The following KIF24 variants were observed in gnomAD, a reference collection of about 807,000 sequenced individuals.
KIF24 encodes kinesin family member 24.
In KIF24, 81 loss-of-function variants were observed where a neutral mutation model predicts 118.9. The observed-to-expected ratio is 0.68, with a 90% confidence interval of 0.57 to 0.82. The LOEUF is 0.82. Among genes scored for constraint, KIF24 ranks in the 40% least tolerant of loss-of-function variants. The probability of loss-of-function intolerance (pLI) is 0.00; values close to 1 mark genes in which losing one functional copy is unlikely to be tolerated. For synonymous variants in KIF24, 599 were observed against 610.0 expected (o/e 0.98, Z 0.27); for missense variants, 1,560 against 1,661.6 (o/e 0.94, Z 1.06).
chr9:34,313,752 G>GT (rs1425286036), intron 1 of KIF24, among the ~76,000 whole-genome samples: 71 of 97,618 alleles, frequency 7.3e-4, no homozygotes, highest in Admixed American at 1.8e-3. Flanking sequence ...TTTTTTTTTT[G>GT]TTTTTTTTTT....
At chr9:34,283,102 C>T (rs950686669) in intron 6 of KIF24, among the ~76,000 whole-genome samples, 2 of 146,894 alleles carry the variant, frequency 1.4e-5, no homozygotes, top group Non-Finnish European at 3.0e-5. Flanking sequence ...CATGGTGGCT[C>T]ATGCCTGTAA....
chr9:34,258,488 G>C (rs1834940713), intron 10 of KIF24, among the ~76,000 whole-genome samples: 1 of 152,112 alleles, frequency 6.6e-6, no homozygotes, highest in Non-Finnish European at 1.5e-5. Context: ...AAACGAGAAA[G>C]AACAGTGTCT....
At chr9:34,328,722 G>C (rs550187330) in intron 1 of KIF24, among the ~76,000 whole-genome samples, 2 of 152,250 alleles carry the variant, frequency 1.3e-5, no homozygotes, top group Admixed American at 6.5e-5. Flanking sequence ...TACCTCAAAG[G>C]CTTCAAAATT....
intron 1 of KIF24, chr9:34,319,578 G>A (rs1385741966): frequency 1.9e-6 from 2 of 1,041,666 alleles, no homozygotes; most frequent in African/African-American, 1.6e-5. Context: ...CCTGGTGTGG[G>A]ACACCCAGAG....
At chr9:34,285,533 G>C in intron 6 of KIF24, among the ~76,000 whole-genome samples, 1 of 152,014 alleles carries the variant, frequency 6.6e-6, no homozygotes, top group Non-Finnish European at 1.5e-5. Context: ...CCAGCACTTT[G>C]GGAGGCCAAG....
At position 34,290,104 on chromosome 9, in the gene KIF24, A is replaced by C. The variant is rs1004716336; in HGVS notation, c.1127+70T>G. On this transcript the variant is annotated intron_variant, in intron 5 of 12. Transcript: ENST00000402558. ...AGCATCTCATTAAAGCCTATGATTC[A>C]GTGATTCTCCGGGACTCTGGCTTAA... 2.2e-5 allele frequency: 24 copies of C among 1,080,660 alleles called. No individual in the cohort carries two copies. In the African/African-American group the frequency reaches 3.4e-4, roughly 15 times the overall value. 66.9% of individuals were successfully genotyped at this position (1,080,660 alleles called of 1,614,324 possible).
chr9:34,318,551 C>A lies in KIF24; in HGVS notation c.-25-7180G>T. On this transcript the variant is annotated intron_variant, in intron 1 of 12. Transcript: ENST00000402558. The surrounding 1 kb of genome is among the most constrained non-coding windows in gnomAD (Gnocchi z 4.9). ...CACGCTGGCCGAACACAGCGCCGGC[C>A]TGGCCTTCAGCCTGTACCAGGCCAT... 1 of 1,117,200 alleles carries A rather than the reference C, an allele frequency of 9.0e-7. No individual in the cohort carries two copies. The highest frequency in any genetic ancestry group is 2.4e-5 in the East Asian group (1 of 41,866). 69.2% of individuals were successfully genotyped at this position (1,117,200 alleles called of 1,614,324 possible).
intron 6 of KIF24, among the ~76,000 whole-genome samples, chr9:34,281,259 C>A (rs1410955041): frequency 6.6e-6 from 1 of 152,180 alleles, no homozygotes; most frequent in Non-Finnish European, 1.5e-5. Flanking sequence ...CTCCTGACCT[C>A]AAATGACCTT....
chr9:34,289,385 T>C (rs568779996), intron 5 of KIF24, among the ~76,000 whole-genome samples: 1 of 152,320 alleles, frequency 6.6e-6, no homozygotes, highest in African/African-American at 2.4e-5. Context: ...GATACCTTTG[T>C]TGCCGGGCTA....
At chr9:34,300,078 G>A (rs1417580887) in intron 3 of KIF24, among the ~76,000 whole-genome samples, 1 of 152,078 alleles carries the variant, frequency 6.6e-6, no homozygotes, top group East Asian at 1.9e-4. Context: ...AATCTGTTGT[G>A]TGTACCATTA....
rs1349580468 is a variant in KIF24, at chr9:34,254,449, C to T, written c.4038G>A (p.Arg1346=). ...AGGTGAGATAGAGCTGCAGCTGGCT[C>T]CTCAGACTCTGGATACACTTGGATT... ...VLKSKCIQSL[R]SQLQLYLTCH... Residue 1346 remains arginine, a synonymous_variant, in exon 13 of 13, where the codon AGG becomes AGA. Transcript: ENST00000402558. 1 of 1,613,902 alleles carries T rather than the reference C, an allele frequency of 6.2e-7. No homozygotes were observed.
At chr9:34,269,210 C>A in intron 8 of KIF24, 47 bp downstream of exon 8, 1 of 1,087,722 alleles carries the variant, frequency 9.2e-7, no homozygotes, top group Non-Finnish European at 1.4e-6. Flanking sequence ...ATGTAATGGG[C>A]AGTCTTTCAA....
chr9:34,315,814 A>T (rs1837309688), intron 1 of KIF24, among the ~76,000 whole-genome samples: 1 of 150,800 alleles, frequency 6.6e-6, no homozygotes, highest in Admixed American at 6.6e-5. Flanking sequence ...GGATCACTTG[A>T]GGTCAGGAGT....
intron 10 of KIF24, among the ~76,000 whole-genome samples, chr9:34,258,450 A>T (rs1563934197): frequency 6.6e-6 from 1 of 152,186 alleles, no homozygotes; most frequent in Non-Finnish European, 1.5e-5. Flanking sequence ...AGCCTGGGTG[A>T]CAGGGTGAGA....
intron 12 of KIF24, 76 bp from the exon 13 acceptor site, chr9:34,254,596 C>T: frequency 6.7e-7 from 1 of 1,482,038 alleles, no homozygotes; most frequent in South Asian, 1.2e-5. Flanking sequence ...TCAGTCCCTC[C>T]TCTGGCAGGA....
intron 9 of KIF24, 58 bp from the exon 10 acceptor site, chr9:34,259,763 C>A: frequency 9.2e-7 from 1 of 1,083,350 alleles, no homozygotes. Context: ...TGCATACTGA[C>A]TACTTACTAG....
At position 34,310,711 on chromosome 9, in the gene KIF24, T is replaced by A. The variant is rs1403372060; in HGVS notation, c.623+13A>T. The A allele has an allele frequency of 4.5e-6, 7 of 1,554,078 alleles. No individual in the cohort carries two copies. The highest frequency in any genetic ancestry group is 5.2e-6 in the Non-Finnish European group (6 of 1,153,456). On this transcript the variant is annotated intron_variant, in intron 2 of 12. Transcript: ENST00000402558. ...TACTTTCCCTCAAAAGAAAGAAAGA[T>A]AAAATTTATTACCTGATACAAGAAT...
In KIF24 at chr9:34,257,345, C is replaced by G. The variant is rs376517927; in HGVS notation, c.2262G>C (p.Pro754=). The change falls in exon 11 of 13, where the codon CCG becomes CCC. Residue 754 remains proline (P), a synonymous_variant. Transcript: ENST00000402558. ...RPASEAWTNI[P]PHQKEREEHL... The stretch of plus-strand genomic sequence containing the variant: ...GTTCCTCCCTCTCCTTCTGATGTGG[C>G]GGGATGTTTGTCCAAGCTTCAGAGG... 1 of 1,613,880 alleles carries G rather than the reference C, an allele frequency of 6.2e-7. No homozygotes were observed. Among genetic ancestry groups the G allele is most frequent in the Admixed American group, 1.7e-5 (1 of 60,002 alleles).
intron 8 of KIF24, among the ~76,000 whole-genome samples, chr9:34,267,825 T>C (rs950129024): frequency 1.3e-5 from 2 of 152,210 alleles, no homozygotes; most frequent in African/African-American, 4.8e-5. Flanking sequence ...AACACGGCTA[T>C]AGAGCTTAGC....
Sources: allele counts gnomAD v4.1 joint callset (sites outside exome capture counted in the v4.1 genomes callset), GRCh38; gene constraint gnomAD v4.1.1; non-coding constraint Gnocchi (gnomAD v3.1); transcripts MANE v1.5; gene names NCBI Gene and HGNC (gene_info 2026-07-23, HGNC 2026-07-21).